The following MYLK4 variants were observed in gnomAD, a reference collection of about 807,000 sequenced individuals.
MYLK4 encodes caMLCK like.
Under a neutral mutation model 48.1 loss-of-function variants are expected in MYLK4, and 46 were observed. The observed-to-expected ratio is 0.96, with a 90% CI of 0.75 to 1.22. The LOEUF (loss-of-function observed/expected upper bound fraction) is 1.22. Among genes scored for constraint, MYLK4 ranks in the 50% most tolerant of loss-of-function variants. The pLI is 0.00. For synonymous variants in MYLK4, 170 were observed against 180.8 expected (o/e 0.94, Z 0.48); for missense variants, 451 against 486.1 (o/e 0.93, Z 0.68).
rs1761374152 is a variant in MYLK4, at chr6:2,683,077, T to C, written c.631A>G (p.Ile211Val). ...ELDTILFMKQ[I>V]CEGIRHMHQM... ...TGCATGTGCCTTATCCCCTCACATA[T>C]CTGCTTCATGAACAGGATGGTATCA... is the stretch of plus-strand genomic sequence containing the variant. The change falls in exon 7 of 13, where the codon ATA becomes GTA. Residue 211 changes from isoleucine (I) to valine (V), a missense_variant. Ile to Val is a conservative substitution (Grantham distance 29). Coordinates refer to ENST00000274643, the MANE Select transcript of MYLK4 (RefSeq NM_001012418.5). 5 of 1,613,998 alleles carry C rather than the reference T, an allele frequency of 3.1e-6. No individual in the cohort carries two copies. Among genetic ancestry groups the C allele is most frequent in the African/African-American group, 2.7e-5 (2 of 74,894 alleles).
chr6:2,761,248 G>A, the MYLK4 span, among the ~76,000 whole-genome samples: 2 of 152,096 alleles, frequency 1.3e-5, no homozygotes, highest in African/African-American at 2.4e-5. Flanking sequence ...GTAAACCACC[G>A]AGGCCAGCTG....
intron 2 of MYLK4, among the ~76,000 whole-genome samples, chr6:2,697,841 C>G (rs1281105892): frequency 2.6e-5 from 4 of 152,186 alleles, no homozygotes; most frequent in Non-Finnish European, 5.9e-5. Flanking sequence ...TTCGTTTCCC[C>G]AGCACCGAAC....
chr6:2,765,128 G>A, the MYLK4 span, among the ~76,000 whole-genome samples: 4 of 151,228 alleles, frequency 2.6e-5, no homozygotes, highest in African/African-American at 9.7e-5. Context: ...CCTGGGCGGA[G>A]GGCTGCGTCC....
chr6:2,762,908 C>T, the MYLK4 span, among the ~76,000 whole-genome samples: 16 of 152,280 alleles, frequency 1.1e-4, no homozygotes, highest in Admixed American at 9.2e-4. Flanking sequence ...AGCTACAAGT[C>T]TCCACAGTGA....
At chr6:2,681,146 TC>T (rs1249951073) in intron 7 of MYLK4, among the ~76,000 whole-genome samples, 1 of 152,144 alleles carries the variant, frequency 6.6e-6, no homozygotes, top group African/African-American at 2.4e-5. Context: ...CAGTCCCAAT[TC>T]TTTACAAGCT....
intron 2 of MYLK4, among the ~76,000 whole-genome samples, chr6:2,697,700 T>C (rs1033665847): frequency 5.3e-5 from 8 of 152,238 alleles, no homozygotes; most frequent in African/African-American, 1.7e-4. Context: ...GGATTTGTCC[T>C]TGAAAGAACA....
At position 2,672,848 on chromosome 6, in the gene MYLK4, G is replaced by C. The variant is rs1057364523; in HGVS notation, c.1120-1500C>G. 2.0e-5 allele frequency among the ~76,000 whole-genome samples: 3 copies of C among 152,192 alleles called. No homozygotes were observed. The highest frequency in any genetic ancestry group is 7.2e-5 in the African/African-American group (3 of 41,442). On this transcript the variant is annotated intron_variant, in intron 11 of 12. Transcript: ENST00000274643. The surrounding 1 kb of genome is among the most constrained non-coding windows in gnomAD (Gnocchi z 4.3). ...GGACTCCAGAGCTCAGCCCTGTCCT[G>C]AGTGTTCTCAGCTACAGACACTAAT... is the stretch of plus-strand genomic sequence containing the variant.
chr6:2,713,686 G>A (rs1328623256), intron 2 of MYLK4, among the ~76,000 whole-genome samples: 1 of 152,192 alleles, frequency 6.6e-6, no homozygotes, highest in Non-Finnish European at 1.5e-5. Context: ...GTCAGGGCAG[G>A]ATTTAACTGT....
chr6:2,765,407 G>T, the MYLK4 span: 32 of 434,518 alleles, frequency 7.4e-5, no homozygotes, highest in Non-Finnish European at 1.0e-4. Context: ...TTCCCGACAC[G>T]CCGCGTGAGG....
At chr6:2,682,043 T>C (rs977873076) in intron 7 of MYLK4, among the ~76,000 whole-genome samples, 2 of 152,074 alleles carry the variant, frequency 1.3e-5, no homozygotes, top group Non-Finnish European at 2.9e-5. Context: ...TGCTCAAAAG[T>C]GAATGGGAAA....
intron 12 of MYLK4, among the ~76,000 whole-genome samples, chr6:2,669,285 C>T (rs1000795295): frequency 3.3e-5 from 5 of 152,220 alleles, no homozygotes; most frequent in African/African-American, 1.2e-4. Flanking sequence ...GCTGCCCCAG[C>T]GTGGCCAGCC....
chr6:2,683,091 A>T lies in MYLK4; in HGVS notation c.617T>A (p.Leu206Gln), dbSNP rs370291605. ...SYNLTELDTI[L>Q]FMKQICEGIR... ...CCCCTCACATATCTGCTTCATGAAC[A>T]GGATGGTATCAAGCTCCGTCAAATT... is the stretch of plus-strand genomic sequence containing the variant. The change falls in exon 7 of 13, where the codon CTG (leucine) becomes CAG (glutamine). Residue 206 changes from leucine to glutamine, a missense_variant. Transcript: ENST00000274643. The T allele has an allele frequency of 8.7e-6, 14 of 1,614,180 alleles. No individual in the cohort carries two copies. The highest frequency in any genetic ancestry group is 5.5e-5 in the South Asian group (5 of 91,086).
rs1409572473 is a variant in MYLK4 at position 2,665,443 on chromosome 6, T to G, written c.*2482A>C. 1 of 152,216 alleles carries G rather than the reference T, an allele frequency of 6.6e-6. No homozygotes were observed. Among genetic ancestry groups the G allele is most frequent in the Admixed American group, 6.5e-5 (1 of 15,286 alleles). 9.4% of individuals were successfully genotyped at this position (152,216 alleles called of 1,614,324 possible). On this transcript the variant is annotated 3_prime_UTR_variant, in exon 13 of 13. Coordinates refer to ENST00000274643, the MANE Select transcript of MYLK4 (RefSeq NM_001012418.5). ...TGGAGATGCCTTCCCATTCCAAATG[T>G]GGAAATTTAACTACAGAATCAAACA...
In MYLK4 at chr6:2,683,076, A is replaced by C. The variant is rs777698905; in HGVS notation, c.632T>G (p.Ile211Arg). Residue 211 changes from isoleucine (I) to arginine (R), a missense_variant, in exon 7 of 13, where the codon ATA (isoleucine) becomes AGA (arginine). Physicochemically the swap from Ile to Arg is moderately conservative, Grantham distance 97 (BLOSUM62 -3). Transcript: ENST00000274643. ...ELDTILFMKQ[I>R]CEGIRHMHQM... ...ATGCATGTGCCTTATCCCCTCACAT[A>C]TCTGCTTCATGAACAGGATGGTATC... 2 of 1,613,990 alleles carry C rather than the reference A, an allele frequency of 1.2e-6. No individual in the cohort carries two copies. Among genetic ancestry groups the C allele is most frequent in the African/African-American group, 2.7e-5 (2 of 74,886 alleles).
chr6:2,765,793 C>T, the MYLK4 span: 2,814 of 1,414,498 alleles, frequency 2.0e-3, 42 homozygotes, highest in African/African-American at 0.036. Context: ...CGCACCGCGC[C>T]GGGGAGCGGG....
intron 2 of MYLK4, among the ~76,000 whole-genome samples, chr6:2,693,143 CAGTAAAATTAAT>C (rs1345027797): frequency 6.6e-6 from 1 of 152,226 alleles, no homozygotes; most frequent in East Asian, 1.9e-4. Context: ...GAAAAAAGCC[CAGTAAAATTAAT>C]AGTAATGTAG....
intron 2 of MYLK4, among the ~76,000 whole-genome samples, chr6:2,713,763 G>C (rs1200380801): frequency 1.3e-5 from 2 of 152,184 alleles, no homozygotes; most frequent in African/African-American, 4.8e-5. Flanking sequence ...ACCTTTTAAA[G>C]GTTGTATCCC....
rs1763938505 is a variant in MYLK4 at position 2,742,673 on chromosome 6, A to T, written c.159+6463T>A. On this transcript the variant is annotated intron_variant, in intron 2 of 12. Coordinates refer to ENST00000274643, the MANE Select transcript of MYLK4 (RefSeq NM_001012418.5). ...CATAGATGGGAATTGAACAATGAGA[A>T]CACGTGGACACAGGAAGGGGAACAT... is the stretch of plus-strand genomic sequence containing the variant. 4.8e-5 allele frequency among the ~76,000 whole-genome samples: 7 copies of T among 144,562 alleles called. No homozygotes were observed. In the South Asian group the frequency reaches 1.6e-3, roughly 33 times the overall value. The allele number at this position is 144,562 out of a possible 152,430, so 94.8% of individuals were successfully genotyped here. A position where few individuals can be genotyped will look rare whatever the true frequency, so the allele number is the denominator to read the frequency against.
At chr6:2,734,569 T>C (rs1363537054) in intron 2 of MYLK4, among the ~76,000 whole-genome samples, 2 of 152,166 alleles carry the variant, frequency 1.3e-5, no homozygotes, top group African/African-American at 4.8e-5. Flanking sequence ...GAAAGGATGC[T>C]GCCTGGTTCC....
Sources: gnomAD v4.1 joint callset for allele counts (sites outside exome capture counted in the v4.1 genomes callset) on GRCh38, gnomAD v4.1.1 for gene constraint, Gnocchi (gnomAD v3.1) non-coding constraint, MANE v1.5 for transcripts, NCBI Gene and HGNC (gene_info 2026-07-23, HGNC 2026-07-21) for gene names.